The following CAMTA2 variants were observed in gnomAD, a reference collection of about 807,000 sequenced individuals.
The protein encoded by CAMTA2 is calmodulin-binding transcription activator 2.
Under a neutral mutation model 135.7 loss-of-function variants are expected in CAMTA2, and 56 were observed. The ratio of observed to expected loss-of-function variants is 0.41; its 90% CI spans 0.33 to 0.52. CAMTA2 has a LOEUF of 0.52. Ranked by LOEUF, CAMTA2 falls within the 20% of genes least tolerant of loss-of-function variation. The pLI is 0.16. For missense variants in CAMTA2, 1,358 were observed against 1,553.4 expected (o/e 0.87, Z 2.11); for synonymous variants, 591 against 604.6 (o/e 0.98, Z 0.33).
In CAMTA2 at chr17:4,968,060, G is replaced by T; in HGVS notation, c.*696C>A. 3.8e-6 allele frequency: 2 copies of T among 519,700 alleles called. No individual in the cohort carries two copies. The highest frequency in any genetic ancestry group is 6.9e-6 in the Non-Finnish European group (2 of 290,872). 32.2% of individuals were successfully genotyped at this position (519,700 alleles called of 1,614,324 possible). On this transcript the variant is annotated 3_prime_UTR_variant, in exon 23 of 23. Transcript: ENST00000348066. ...GCCCATGCACAAGTAGAAAGTGCCC[G>T]TGGAGCCGGCAGGAGGCCCCCGCCG...
intron 1 of CAMTA2, chr17:4,987,188 C>T (rs929041265): frequency 1.4e-5 from 19 of 1,343,130 alleles, no homozygotes; most frequent in Non-Finnish European, 1.6e-5. Context: ...GGAGCGGGTC[C>T]TTGGGCTGCA....
chr17:4,981,801 T>C lies in CAMTA2; in HGVS notation c.442A>G (p.Asn148Asp), dbSNP rs1972977025. The change falls in exon 7 of 23, where the codon AAC (asparagine) becomes GAC (aspartate). Residue 148 changes from asparagine to aspartate, a missense_variant. This residue lies in a region of CAMTA2 where 105 missense variants were observed against 190.9 expected (regional missense o/e 0.55). Transcript: ENST00000348066. ...CCACAGTCCTCCAGGGCTGGGACGT[T>C]CAGGTAGTGCACAAGGACGATGTCA... ...NPDIVLVHYL[N>D]VPALEDCGKG... is the part of the protein sequence containing the mutation. The C allele has an allele frequency of 6.2e-7, 1 of 1,610,936 alleles. No individual in the cohort carries two copies. The highest frequency in any genetic ancestry group is 1.1e-5 in the South Asian group (1 of 90,898).
At chr17:4,971,190 GCCT>G (rs1174515719) in intron 16 of CAMTA2, among the ~76,000 whole-genome samples, 1 of 152,174 alleles carries the variant, frequency 6.6e-6, no homozygotes, top group Non-Finnish European at 1.5e-5. Context: ...TCATGTGCAA[GCCT>G]CCTTCCTGCA....
intron 3 of CAMTA2, among the ~76,000 whole-genome samples, chr17:4,984,391 A>G (rs774750767): frequency 3.3e-4 from 50 of 152,216 alleles, no homozygotes; most frequent in Middle Eastern, 3.2e-3. Flanking sequence ...TGCTTTGAAT[A>G]GTTACCTCCT....
chr17:4,976,020 T>C (rs901249087), intron 11 of CAMTA2, among the ~76,000 whole-genome samples: 1 of 152,254 alleles, frequency 6.6e-6, no homozygotes, highest in Non-Finnish European at 1.5e-5. Context: ...TTTTCTTTTT[T>C]TTTGAGACGG....
At position 4,968,991 on chromosome 17, in the gene CAMTA2, G is replaced by A. The variant is rs1335424163; in HGVS notation, c.3471-10C>T. ...GGTGAGAAAGGAGCCTCTGGTGAAA[G>A]AAACAAAAGATGGACCTCACAGAAG... On this transcript the variant is annotated splice_polypyrimidine_tract_variant and intron_variant, in intron 21 of 22. Transcript: ENST00000348066. 3.1e-6 allele frequency: 5 copies of A among 1,613,642 alleles called. No homozygotes were observed. Among genetic ancestry groups the A allele is most frequent in the East Asian group, 4.5e-5 (2 of 44,900 alleles).
Position 4,986,300 on chromosome 17 carries a change from G to T in CAMTA2, c.-64-14C>A. The T allele has an allele frequency of 8.9e-7, 1 of 1,127,798 alleles. No individual in the cohort carries two copies. The highest frequency in any genetic ancestry group is 1.3e-6 in the Non-Finnish European group (1 of 761,954). The allele number at this position is 1,127,798 out of a possible 1,614,324, so 69.9% of individuals were successfully genotyped here. A position where few individuals can be genotyped will look rare whatever the true frequency, so the allele number is the denominator to read the frequency against. On this transcript the variant is annotated splice_polypyrimidine_tract_variant and intron_variant, in intron 1 of 22. Coordinates refer to ENST00000348066, the MANE Select transcript of CAMTA2 (RefSeq NM_015099.4). ...GGGGAGTCTGTGCTGGGAAGGGAGAGAACAAGGTCATGGCAGAAGCCCCCA... is the reference window on the plus strand; with the variant it reads ...GGGGAGTCTGTGCTGGGAAGGGAGATAACAAGGTCATGGCAGAAGCCCCCA...
chr17:4,981,926 C>T, intron 6 of CAMTA2, 95 bp from the exon 7 acceptor site: 1 of 1,386,946 alleles, frequency 7.2e-7, no homozygotes, highest in Middle Eastern at 2.0e-4. Context: ...CCCTCCTAAC[C>T]TCGCCCCCAA....
At chr17:4,986,967 C>G (rs1040332184) in intron 1 of CAMTA2, 3 of 1,506,956 alleles carry the variant, frequency 2.0e-6, no homozygotes, top group African/African-American at 1.4e-5. Flanking sequence ...ATCTACCGCT[C>G]TGGCTCCAGC....
In CAMTA2 at chr17:4,969,534, A is replaced by T; in HGVS notation, c.3262-14T>A. 6.2e-7 allele frequency: 1 copy of T among 1,614,000 alleles called. No individual in the cohort carries two copies. Among genetic ancestry groups the T allele is most frequent in the Admixed American group, 1.7e-5 (1 of 60,026 alleles). On this transcript the variant is annotated splice_polypyrimidine_tract_variant and intron_variant, in intron 19 of 22. Coordinates refer to ENST00000348066, the MANE Select transcript of CAMTA2 (RefSeq NM_015099.4). The surrounding 1 kb of genome is among the most constrained non-coding windows in gnomAD (Gnocchi z 5.6). ...AATCCAGGTCAGCTTGTGGAGAGAG[A>T]AGGGGAGTTAGGGCTCTGGCAACAT...
Position 4,982,908 on chromosome 17 carries a change from T to A in CAMTA2, c.204-16A>T. Reference sequence around the variant, plus strand: ...ATTCTGAGGCCTGGGAAGGGAAGGGTTGCCCTGGAGTTCTGTGAACAGAAC... The same window carrying A: ...ATTCTGAGGCCTGGGAAGGGAAGGGATGCCCTGGAGTTCTGTGAACAGAAC... On this transcript the variant is annotated splice_polypyrimidine_tract_variant and intron_variant, in intron 4 of 22. Transcript: ENST00000348066. 2 of 1,614,164 alleles carry A rather than the reference T, an allele frequency of 1.2e-6. No homozygotes were observed. Among genetic ancestry groups the A allele is most frequent in the Non-Finnish European group, 1.7e-6 (2 of 1,180,028 alleles).
intron 3 of CAMTA2, among the ~76,000 whole-genome samples, chr17:4,985,338 A>G (rs189017105): frequency 2.9e-4 from 44 of 152,400 alleles, no homozygotes; most frequent in African/African-American, 1.1e-3. Context: ...GGTGCCCAGT[A>G]TGTAAGGAAT....
At chr17:4,970,957 C>T (rs1972246428) in intron 16 of CAMTA2, among the ~76,000 whole-genome samples, 2 of 152,210 alleles carry the variant, frequency 1.3e-5, no homozygotes, top group East Asian at 3.9e-4. Context: ...TGAATGGCTC[C>T]AGTCTGGCCT....
intron 9 of CAMTA2, 67 bp from the exon 10 acceptor site, chr17:4,978,697 T>G: frequency 6.4e-7 from 1 of 1,566,754 alleles, no homozygotes; most frequent in Admixed American, 1.7e-5. Context: ...ATTCATTTAT[T>G]CAGACCCTTA....
rs144298867 is a variant in CAMTA2 at position 4,980,344 on chromosome 17, G to A, written c.978C>T (p.Leu326=). 84 of 1,614,010 alleles carry A rather than the reference G, an allele frequency of 5.2e-5. No individual in the cohort carries two copies. The highest frequency in any genetic ancestry group is 6.9e-5 in the Non-Finnish European group (81 of 1,179,976). The change falls in exon 9 of 23, where the codon CTC becomes CTT. Residue 326 remains leucine (L), a synonymous_variant. Transcript: ENST00000348066. The surrounding 1 kb of genome is among the most constrained non-coding windows in gnomAD (Gnocchi z 5.3). The part of the protein sequence containing the change: ...GGSSRGGTAI[L]LLTGLEQRAG... The stretch of plus-strand genomic sequence containing the variant: ...CCCGCTGCTCCAGTCCTGTCAGGAG[G>A]AGGATAGCAGTGCCTCCTCTTGAAG...
chr17:4,983,060 A>T lies in CAMTA2; in HGVS notation c.136-17T>A. ...TGCAATCTCCTGTAGGAGAGGAGGC[A>T]CTCAGCTGGGCATCTCCTTCACAGA... On this transcript the variant is annotated splice_polypyrimidine_tract_variant and intron_variant, in intron 3 of 22. Coordinates refer to ENST00000348066, the MANE Select transcript of CAMTA2 (RefSeq NM_015099.4). 6.2e-7 allele frequency: 1 copy of T among 1,609,012 alleles called. No homozygotes were observed. Among genetic ancestry groups the T allele is most frequent in the African/African-American group, 1.3e-5 (1 of 74,844 alleles).
chr17:4,987,019 G>A (rs1973384458), intron 1 of CAMTA2: 3 of 1,431,828 alleles, frequency 2.1e-6, no homozygotes, highest in African/African-American at 1.5e-5. Flanking sequence ...GGGAGCTGGC[G>A]GAGGCTCTCA....
At chr17:4,981,436 C>T in intron 7 of CAMTA2, 77 bp from the exon 8 acceptor site, 3 of 1,566,518 alleles carry the variant, frequency 1.9e-6, no homozygotes, top group South Asian at 1.2e-5. Flanking sequence ...CCTCCAAGCA[C>T]CTGACATGCT....
In CAMTA2 at chr17:4,981,375, G is replaced by A; in HGVS notation, c.566-16C>T. 1 of 1,613,168 alleles carries A rather than the reference G, an allele frequency of 6.2e-7. No homozygotes were observed. The highest frequency in any genetic ancestry group is 8.5e-7 in the Non-Finnish European group (1 of 1,179,304). On this transcript the variant is annotated splice_polypyrimidine_tract_variant and intron_variant, in intron 7 of 22. Coordinates refer to ENST00000348066, the MANE Select transcript of CAMTA2 (RefSeq NM_015099.4). ...ATGCCATGAACTAGAGAAGTTAGGG[G>A]GAAGTGCTGTGGGATCCCCACGAAA...
Sources: gnomAD v4.1 joint callset for allele counts (sites outside exome capture counted in the v4.1 genomes callset) on GRCh38, gnomAD v4.1.1 for gene constraint, gnomAD v4.1.1 regional missense constraint, Gnocchi (gnomAD v3.1) non-coding constraint, MANE v1.5 for transcripts, NCBI Gene and HGNC (gene_info 2026-07-23, HGNC 2026-07-21) for gene names.